Variants in PARD3 observed in about 807,000 individuals in gnomAD.
The protein encoded by PARD3 is partitioning defective 3 homolog.
A neutral mutation model predicts 155.4 loss-of-function variants in PARD3; 75 were observed. The observed-to-expected ratio is 0.48, with a 90% CI of 0.40 to 0.58. The LOEUF (loss-of-function observed/expected upper bound fraction) is 0.58. PARD3 is among the 20% of genes least tolerant of loss of function. PARD3 has a pLI of 0.00. For synonymous variants in PARD3, 576 were observed against 610.5 expected (o/e 0.94, Z 0.83); for missense variants, 1,642 against 1,721.7 (o/e 0.95, Z 0.82).
chr10:34,270,394 C>T (rs1011064264), intron 21 of PARD3, among the ~76,000 whole-genome samples: 2 of 152,116 alleles, frequency 1.3e-5, no homozygotes, highest in South Asian at 2.1e-4. Context: ...CCTCCTGCCT[C>T]AGCCTCCCAA....
At chr10:34,630,607 T>C (rs181337906) in intron 2 of PARD3, among the ~76,000 whole-genome samples, 2 of 151,598 alleles carry the variant, frequency 1.3e-5, no homozygotes, top group Non-Finnish European at 2.9e-5. Flanking sequence ...CAAGCCACCA[T>C]GCCTGGCTAA....
At position 34,482,346 on chromosome 10, in the gene PARD3, A is replaced by G. The variant is rs577751211; in HGVS notation, c.404-12083T>C. 7.3e-3 allele frequency among the ~76,000 whole-genome samples: 1,105 copies of G among 151,696 alleles called. 14 individuals are homozygous for G. The highest frequency in any genetic ancestry group is 0.026 in the African/African-American group (1,063 of 41,392). On this transcript the variant is annotated intron_variant, in intron 3 of 24. Transcript: ENST00000374788. ...CATGCCCGACCTGGCTAATGTTTCT[A>G]TTTTTTAAATTAATGGGTCTCGCTA...
intron 2 of PARD3, among the ~76,000 whole-genome samples, chr10:34,557,786 T>C (rs1176753183): frequency 1.3e-5 from 2 of 151,738 alleles, no homozygotes; most frequent in Non-Finnish European, 1.5e-5. Flanking sequence ...AACATAAAAT[T>C]AGCTAGGTGT....
chr10:34,260,655 T>G (rs900249145), intron 22 of PARD3, among the ~76,000 whole-genome samples: 1 of 152,198 alleles, frequency 6.6e-6, no homozygotes, highest in South Asian at 2.1e-4. Flanking sequence ...AGCACATTAA[T>G]TAGCAAAGGC....
At chr10:34,557,096 C>G (rs1191624511) in intron 2 of PARD3, among the ~76,000 whole-genome samples, 1 of 152,158 alleles carries the variant, frequency 6.6e-6, no homozygotes, top group Admixed American at 6.5e-5. Context: ...GAATGTCAAC[C>G]ATGTAGCTGA....
At chr10:34,590,007 T>G (rs2088517012) in intron 2 of PARD3, among the ~76,000 whole-genome samples, 1 of 152,156 alleles carries the variant, frequency 6.6e-6, no homozygotes, top group Non-Finnish European at 1.5e-5. Context: ...ATGGTGAACA[T>G]TACCAATCCA....
intron 3 of PARD3, among the ~76,000 whole-genome samples, chr10:34,481,343 A>G (rs2133205834): frequency 6.6e-6 from 1 of 152,228 alleles, no homozygotes; most frequent in East Asian, 1.9e-4. Flanking sequence ...AAGGGGCATA[A>G]GAAATGGACA....
intron 1 of PARD3, among the ~76,000 whole-genome samples, chr10:34,718,636 G>T (rs2094557972): frequency 1.3e-5 from 2 of 151,022 alleles, no homozygotes; most frequent in Non-Finnish European, 2.9e-5. Flanking sequence ...TCCAGCCTGG[G>T]CAACACGACA....
intron 22 of PARD3, among the ~76,000 whole-genome samples, chr10:34,179,131 T>C (rs1312358116): frequency 6.6e-6 from 1 of 152,030 alleles, no homozygotes; most frequent in Non-Finnish European, 1.5e-5. Context: ...AGAAATAGCA[T>C]ATAGGGAATT....
At chr10:34,212,403 T>C (rs1467014254) in intron 22 of PARD3, among the ~76,000 whole-genome samples, 1 of 152,210 alleles carries the variant, frequency 6.6e-6, no homozygotes, top group Non-Finnish European at 1.5e-5. Context: ...CTGACAGCAA[T>C]GTCTGCTAGC....
chr10:34,781,758 A>C (rs942137345), intron 1 of PARD3, among the ~76,000 whole-genome samples: 14 of 152,204 alleles, frequency 9.2e-5, no homozygotes, highest in Non-Finnish European at 2.1e-4. Flanking sequence ...AAAAGATATA[A>C]AATATTGCCC....
At chr10:34,691,722 T>C (rs893938724) in intron 2 of PARD3, among the ~76,000 whole-genome samples, 2 of 152,178 alleles carry the variant, frequency 1.3e-5, no homozygotes, top group African/African-American at 4.8e-5. Flanking sequence ...CAAAACAGCA[T>C]GGTACTGGTA....
rs543090930 is a variant in PARD3 at position 34,717,587 on chromosome 10, G to A, written c.121-21168C>T. 7.8e-4 allele frequency among the ~76,000 whole-genome samples: 118 copies of A among 152,238 alleles called. 1 individual carries two copies. Among genetic ancestry groups the A allele is most frequent in the Middle Eastern group, 3.4e-3 (1 of 294 alleles). ...GGTGGAGGTGCTGGAAACACCATAA[G>A]CAAGCAAAGTCACGGTCCCACGCAG... On this transcript the variant is annotated intron_variant, in intron 1 of 24. Coordinates refer to ENST00000374788, the MANE Select transcript of PARD3 (RefSeq NM_001184785.2).
chr10:34,625,788 G>A (rs1240729554), intron 2 of PARD3, among the ~76,000 whole-genome samples: 1 of 152,156 alleles, frequency 6.6e-6, no homozygotes, highest in Admixed American at 6.5e-5. Context: ...GCGCATGCCT[G>A]TAATCCCAGC....
intron 5 of PARD3, among the ~76,000 whole-genome samples, chr10:34,424,825 T>C (rs1245401027): frequency 6.6e-6 from 1 of 152,112 alleles, no homozygotes; most frequent in African/African-American, 2.4e-5. Flanking sequence ...TAACTTTAAA[T>C]TTTGAGCAAA....
At chr10:34,452,049 G>A (rs1041428535) in intron 4 of PARD3, among the ~76,000 whole-genome samples, 2 of 152,008 alleles carry the variant, frequency 1.3e-5, no homozygotes, top group Non-Finnish European at 2.9e-5. Flanking sequence ...ATTTATTAGT[G>A]ACAGAACCTT....
chr10:34,672,768 A>AT (rs936662310), intron 2 of PARD3, among the ~76,000 whole-genome samples: 3 of 152,120 alleles, frequency 2.0e-5, no homozygotes, highest in African/African-American at 4.8e-5. Flanking sequence ...TATGATCTAC[A>AT]TTTTTTTCTT....
chr10:34,308,570 AAGGGAAGG>A (rs1340391160), intron 20 of PARD3, among the ~76,000 whole-genome samples: 1 of 152,174 alleles, frequency 6.6e-6, no homozygotes, highest in East Asian at 1.9e-4. Flanking sequence ...TTATCTGAGA[AAGGGAAGG>A]CTCGCGGGAG....
chr10:34,472,308 C>G (rs1323690222), intron 3 of PARD3, among the ~76,000 whole-genome samples: 1 of 151,952 alleles, frequency 6.6e-6, no homozygotes, highest in African/African-American at 2.4e-5. Context: ...TTAATTTACA[C>G]CCCCCAAAAT....
Sources: allele counts gnomAD v4.1 joint callset (sites outside exome capture counted in the v4.1 genomes callset), GRCh38; gene constraint gnomAD v4.1.1; transcripts MANE v1.5; gene names NCBI Gene and HGNC (gene_info 2026-07-23, HGNC 2026-07-21).